ATP9B: variants seen among roughly 807,000 people sequenced by gnomAD.
ATP9B encodes ATPase phospholipid transporting 9B.
Under a neutral mutation model 146.1 loss-of-function variants are expected in ATP9B, and 110 were observed. The observed-to-expected ratio is 0.75, with a 90% confidence interval of 0.65 to 0.88. The LOEUF (loss-of-function observed/expected upper bound fraction) is 0.88, where lower values mean the gene tolerates loss of function less well. Ranked by LOEUF, ATP9B falls within the 40% of genes least tolerant of loss-of-function variation. The probability of loss-of-function intolerance (pLI) is 0.00; values close to 1 mark genes in which losing one functional copy is unlikely to be tolerated. For synonymous variants in ATP9B, 604 were observed against 569.7 expected (o/e 1.06, Z -0.86); for missense variants, 1,499 against 1,496.4 (o/e 1.00, Z -0.03).
At chr18:79,149,490 T>G (rs1256038268) in intron 6 of ATP9B, among the ~76,000 whole-genome samples, 1 of 151,984 alleles carries the variant, frequency 6.6e-6, no homozygotes, top group Non-Finnish European at 1.5e-5. Context: ...AAAAAAATAT[T>G]TAGAATCTAG....
intron 15 of ATP9B, among the ~76,000 whole-genome samples, chr18:79,327,561 TCTCCGTGGTTAGCGTGC>T (rs1568697562): frequency 8.1e-6 from 1 of 123,886 alleles, no homozygotes; most frequent in Non-Finnish European, 1.7e-5. Context: ...GTTAGCGTGC[TCTCCGTGGTTAGCGTGC>T]TCTCCGTGGT....
In ATP9B at chr18:79,330,053, T is replaced by C; in HGVS notation, c.1977T>C (p.Ala659=). The C allele has an allele frequency of 6.2e-7, 1 of 1,614,206 alleles. No individual in the cohort carries two copies. Residue 659 remains alanine (A), a synonymous_variant, in exon 17 of 30, where the codon GCT becomes GCC. Coordinates refer to ENST00000426216, the MANE Select transcript of ATP9B (RefSeq NM_198531.5). The stretch of plus-strand genomic sequence containing the variant: ...AAATCACATTCTACATGAAGGGCGC[T>C]GACGTGGCCATGTCTCCTATCGTGC... The part of the protein sequence containing the change: ...TAEITFYMKG[A]DVAMSPIVQY...
At chr18:79,101,594 T>C (rs540715943) in intron 2 of ATP9B, among the ~76,000 whole-genome samples, 2 of 152,214 alleles carry the variant, frequency 1.3e-5, no homozygotes, top group Non-Finnish European at 2.9e-5. Flanking sequence ...ATATTTAGCT[T>C]TTTAAGAAAC....
intron 13 of ATP9B, among the ~76,000 whole-genome samples, chr18:79,294,878 G>A (rs1455599419): frequency 2.0e-5 from 3 of 152,176 alleles, no homozygotes; most frequent in Admixed American, 2.0e-4. Context: ...AAAAAGGAGC[G>A]ATGGCCACAG....
intron 2 of ATP9B, among the ~76,000 whole-genome samples, chr18:79,096,967 G>A (rs917913702): frequency 1.3e-5 from 2 of 152,026 alleles, no homozygotes; most frequent in African/African-American, 4.8e-5. Context: ...AGACCAGCCT[G>A]GACAACATGG....
At chr18:79,132,538 G>A (rs1220440084) in intron 5 of ATP9B, among the ~76,000 whole-genome samples, 1 of 152,178 alleles carries the variant, frequency 6.6e-6, no homozygotes, top group Non-Finnish European at 1.5e-5. Flanking sequence ...TTTCAGCTGT[G>A]GCACACTGCT....
At chr18:79,112,341 A>G (rs748187578) in intron 3 of ATP9B, among the ~76,000 whole-genome samples, 3 of 152,182 alleles carry the variant, frequency 2.0e-5, no homozygotes, top group Non-Finnish European at 4.4e-5. Context: ...GTTTTGTTCC[A>G]TTTTGATTTT....
intron 5 of ATP9B, among the ~76,000 whole-genome samples, chr18:79,140,109 TTAAG>T (rs946620172): frequency 5.3e-4 from 81 of 152,136 alleles, no homozygotes; most frequent in African/African-American, 1.9e-3. Context: ...TGCTGTGTCA[TTAAG>T]TCTGGGAAGG....
intron 26 of ATP9B, among the ~76,000 whole-genome samples, chr18:79,369,390 G>A (rs1485749501): frequency 6.6e-6 from 1 of 152,098 alleles, no homozygotes; most frequent in African/African-American, 2.4e-5. Flanking sequence ...AAAATTAGCT[G>A]GGTGTGGTGG....
chr18:79,346,354 G>A (rs866752012), intron 23 of ATP9B, among the ~76,000 whole-genome samples: 5 of 151,226 alleles, frequency 3.3e-5, no homozygotes, highest in South Asian at 2.1e-4. Context: ...GTCAGTGCAC[G>A]TCAGCACATG....
chr18:79,168,196 G>C (rs1170330162), intron 7 of ATP9B, among the ~76,000 whole-genome samples: 1 of 152,192 alleles, frequency 6.6e-6, no homozygotes, highest in Non-Finnish European at 1.5e-5. Context: ...CCTCCGGAAA[G>C]CCAAGAAAAA....
intron 11 of ATP9B, among the ~76,000 whole-genome samples, chr18:79,241,454 C>T (rs994002137): frequency 2.0e-5 from 3 of 152,266 alleles, no homozygotes; most frequent in Non-Finnish European, 2.9e-5. Context: ...TGAGAGATGT[C>T]GTTCTTTCTC....
At chr18:79,120,576 G>A (rs916648691) in intron 4 of ATP9B, among the ~76,000 whole-genome samples, 1 of 152,176 alleles carries the variant, frequency 6.6e-6, no homozygotes, top group Non-Finnish European at 1.5e-5. Flanking sequence ...GTGTCTGGAT[G>A]AAGATTACTT....
At chr18:79,279,081 C>T (rs969539146) in intron 13 of ATP9B, among the ~76,000 whole-genome samples, 28 of 152,266 alleles carry the variant, frequency 1.8e-4, no homozygotes, top group African/African-American at 6.3e-4. Flanking sequence ...TGTGGGGTGG[C>T]ACGGGAAGCC....
intron 26 of ATP9B, chr18:79,361,145 C>G (rs934464334): frequency 6.6e-6 from 1 of 152,218 alleles, no homozygotes; most frequent in Non-Finnish European, 1.5e-5. Flanking sequence ...GCCGGTGCTC[C>G]CGGATCGCTG....
At chr18:79,272,979 G>A (rs574636041) in intron 12 of ATP9B, among the ~76,000 whole-genome samples, 1 of 152,204 alleles carries the variant, frequency 6.6e-6, no homozygotes, top group Non-Finnish European at 1.5e-5. Flanking sequence ...GGTTGAACTG[G>A]CAGGAGTTCT....
At chr18:79,234,836 C>T (rs1188921670) in intron 11 of ATP9B, among the ~76,000 whole-genome samples, 4 of 152,114 alleles carry the variant, frequency 2.6e-5, no homozygotes, top group Admixed American at 2.0e-4. Context: ...CTTGGTTCAG[C>T]TTTTATAAAA....
At chr18:79,079,150 G>A (rs536139696) in intron 1 of ATP9B, among the ~76,000 whole-genome samples, 53 of 152,296 alleles carry the variant, frequency 3.5e-4, no homozygotes, top group African/African-American at 1.2e-3. Flanking sequence ...ATAGTAGAAT[G>A]ATTTATAATC....
chr18:79,212,256 G>A (rs2095591229), intron 10 of ATP9B, among the ~76,000 whole-genome samples: 1 of 152,160 alleles, frequency 6.6e-6, no homozygotes, highest in African/African-American at 2.4e-5. Flanking sequence ...TTTTTCATGA[G>A]AATCAAGTGA....
Sources: allele counts gnomAD v4.1 joint callset (sites outside exome capture counted in the v4.1 genomes callset), GRCh38; gene constraint gnomAD v4.1.1; transcripts MANE v1.5; gene names NCBI Gene and HGNC (gene_info 2026-07-23, HGNC 2026-07-21).